Variants in DIP2C observed in about 807,000 individuals in gnomAD.
DIP2C encodes disco-interacting protein 2 homolog C.
A neutral mutation model predicts 192.4 loss-of-function variants in DIP2C; 33 were observed. The ratio of observed to expected loss-of-function variants is 0.17; its 90% CI spans 0.13 to 0.23. The LOEUF is 0.23. Among genes scored for constraint, DIP2C ranks in the 10% least tolerant of loss-of-function variants. The probability of loss-of-function intolerance (pLI) is 1.00; values close to 1 mark genes in which losing one functional copy is unlikely to be tolerated. For missense variants in DIP2C, 1,537 were observed against 2,110.1 expected (o/e 0.73, Z 5.32); for synonymous variants, 979 against 864.1 (o/e 1.13, Z -2.33).
intron 1 of DIP2C, among the ~76,000 whole-genome samples, chr10:675,979 A>G (rs1830861800): frequency 6.6e-6 from 1 of 152,240 alleles, no homozygotes; most frequent in African/African-American, 2.4e-5. Context: ...CTATAGGTCA[A>G]TATCCCTGAT....
At chr10:318,520 G>A (rs1327676910) in intron 31 of DIP2C, among the ~76,000 whole-genome samples, 1 of 152,194 alleles carries the variant, frequency 6.6e-6, no homozygotes, top group Admixed American at 6.5e-5. Context: ...CTGCACAAGC[G>A]GTTCCCATAG....
intron 1 of DIP2C, among the ~76,000 whole-genome samples, chr10:569,931 C>A (rs1849682098): frequency 6.6e-6 from 1 of 152,210 alleles, no homozygotes; most frequent in South Asian, 2.1e-4. Flanking sequence ...AGCCAGAAAT[C>A]TACAGTGCTT....
intron 3 of DIP2C, among the ~76,000 whole-genome samples, chr10:452,148 G>A (rs1276595311): frequency 6.6e-6 from 1 of 152,170 alleles, no homozygotes; most frequent in Admixed American, 6.5e-5. Context: ...CACAGCAGAA[G>A]ACAGCAACAC....
chr10:353,360 A>G (rs532734259), intron 24 of DIP2C, among the ~76,000 whole-genome samples: 1 of 152,338 alleles, frequency 6.6e-6, no homozygotes, highest in African/African-American at 2.4e-5. Flanking sequence ...AAAAAAGGTC[A>G]AAAGAGTTGG....
chr10:348,935 T>G (rs761849137), intron 25 of DIP2C, among the ~76,000 whole-genome samples, 173 bp from the exon 26 acceptor site: 22 of 152,156 alleles, frequency 1.4e-4, no homozygotes, highest in Non-Finnish European at 3.1e-4. Flanking sequence ...TCACTGTCAT[T>G]TACCTGTCCT....
At chr10:474,704 G>A (rs1970923862) in intron 2 of DIP2C, among the ~76,000 whole-genome samples, 2 of 152,218 alleles carry the variant, frequency 1.3e-5, no homozygotes, top group East Asian at 1.9e-4. Context: ...ATCCGAAAGT[G>A]CTTCTCTTTC....
At chr10:435,601 A>G (rs147122343) in intron 4 of DIP2C, among the ~76,000 whole-genome samples, 2 of 152,284 alleles carry the variant, frequency 1.3e-5, no homozygotes, top group East Asian at 3.9e-4. Flanking sequence ...TGTCCACCCT[A>G]TCTGGGGACA....
At chr10:473,523 G>A (rs4881334) in intron 2 of DIP2C, among the ~76,000 whole-genome samples, 60,241 of 148,174 alleles carry the variant, frequency 0.41, 13,590 homozygotes, top group East Asian at 0.65. Flanking sequence ...CTCCGTGAAC[G>A]GCTCTGATAC....
At chr10:503,430 G>A (rs1845389476) in intron 1 of DIP2C, among the ~76,000 whole-genome samples, 1 of 152,198 alleles carries the variant, frequency 6.6e-6, no homozygotes, top group African/African-American at 2.4e-5. Context: ...AAAGAGAGTG[G>A]CAGTGCTACT....
At chr10:314,681 C>T (rs1465302863) in intron 31 of DIP2C, among the ~76,000 whole-genome samples, 1 of 152,196 alleles carries the variant, frequency 6.6e-6, no homozygotes, top group Non-Finnish European at 1.5e-5. Context: ...CTGTGAAATA[C>T]CTTAGACTAG....
intron 28 of DIP2C, among the ~76,000 whole-genome samples, chr10:342,198 G>A (rs906439148): frequency 8.6e-5 from 13 of 151,034 alleles, no homozygotes; most frequent in African/African-American, 2.4e-4. Flanking sequence ...TTGCCCTGTC[G>A]CCCAGGCTGG....
rs1259592894 is a variant in DIP2C, at chr10:283,577, G to C, written c.4120-131C>G. The C allele has an allele frequency of 3.5e-6, 4 of 1,136,324 alleles. No homozygotes were observed. In the East Asian group the frequency reaches 9.8e-5, roughly 28 times the overall value. 70.4% of individuals were successfully genotyped at this position (1,136,324 alleles called of 1,614,324 possible). A position where few individuals can be genotyped will look rare whatever the true frequency, so the allele number is the denominator to read the frequency against. Reference sequence around the variant, plus strand: ...ACGTTTCCTTGGACTGAATAACCAAGATGATGTTAATCTCATTCGGGTTTC... The same window carrying C: ...ACGTTTCCTTGGACTGAATAACCAACATGATGTTAATCTCATTCGGGTTTC... On this transcript the variant is annotated intron_variant, in intron 34 of 36. Transcript: ENST00000280886.
chr10:484,847 C>T lies in DIP2C; in HGVS notation c.157+1612G>A, dbSNP rs749808570. ...GCCACCCGCTCCCGAGCCGCAGCTTCTCGGACGTCGCACACCCCGATGTGG... is the reference window on the plus strand; with the variant it reads ...GCCACCCGCTCCCGAGCCGCAGCTTTTCGGACGTCGCACACCCCGATGTGG... On this transcript the variant is annotated intron_variant, in intron 2 of 36. Transcript: ENST00000280886. The T allele has an allele frequency of 2.5e-6, 4 of 1,611,688 alleles. No individual in the cohort carries two copies. In the South Asian group the frequency reaches 3.3e-5, roughly 13 times the overall value.
intron 1 of DIP2C, among the ~76,000 whole-genome samples, chr10:670,789 A>G (rs1257049970): frequency 6.6e-6 from 1 of 152,220 alleles, no homozygotes; most frequent in Non-Finnish European, 1.5e-5. Context: ...TGTGAAAATG[A>G]AGCATGTTTT....
intron 1 of DIP2C, among the ~76,000 whole-genome samples, chr10:581,271 C>G (rs1672535): frequency 1.3e-5 from 2 of 152,084 alleles, no homozygotes; most frequent in African/African-American, 4.8e-5. Flanking sequence ...GTTTGTATGT[C>G]TAAAAAGTTA....
At chr10:310,834 A>G (rs1956536853) in intron 31 of DIP2C, among the ~76,000 whole-genome samples, 2 of 152,158 alleles carry the variant, frequency 1.3e-5, no homozygotes, top group Admixed American at 6.5e-5. Context: ...TTACAAACCA[A>G]AATTGTACAC....
intron 1 of DIP2C, among the ~76,000 whole-genome samples, chr10:488,246 C>T (rs1018295655): frequency 1.8e-4 from 27 of 152,176 alleles, no homozygotes; most frequent in Non-Finnish European, 3.4e-4. Context: ...AACTAAGTCT[C>T]GAGGCTGAGC....
chr10:355,799 C>T (rs766644113), intron 24 of DIP2C, among the ~76,000 whole-genome samples: 2 of 152,108 alleles, frequency 1.3e-5, no homozygotes, highest in African/African-American at 2.4e-5. Context: ...GTTTAGGGCT[C>T]GGTGTGGTGA....
chr10:381,086 G>A (rs528196812), intron 17 of DIP2C, among the ~76,000 whole-genome samples: 8 of 152,302 alleles, frequency 5.3e-5, no homozygotes, highest in African/African-American at 9.6e-5. Context: ...TCAGGGTAAC[G>A]AAAGGTACAG....
Sources: gnomAD v4.1 joint callset for allele counts (sites outside exome capture counted in the v4.1 genomes callset) on GRCh38, gnomAD v4.1.1 for gene constraint, MANE v1.5 for transcripts, NCBI Gene and HGNC (gene_info 2026-07-23, HGNC 2026-07-21) for gene names.